The following NUDT3 variants were observed in gnomAD, a reference collection of about 807,000 sequenced individuals.
The protein encoded by NUDT3 is nudix hydrolase 3, also known as diphosphoinositol polyphosphate phosphohydrolase 1.
A neutral mutation model predicts 23.6 loss-of-function variants in NUDT3; 9 were observed. That is an observed-to-expected ratio of 0.38 (90% CI 0.23 to 0.66). The LOEUF (loss-of-function observed/expected upper bound fraction) is 0.66, where lower values mean the gene tolerates loss of function less well. Ranked by LOEUF, NUDT3 falls within the 30% of genes least tolerant of loss-of-function variation. NUDT3 has a pLI of 0.52. For synonymous variants in NUDT3, 86 were observed against 82.6 expected, an observed-to-expected ratio of 1.04 and a Z score of -0.22; for missense variants, 172 against 218.5, an observed-to-expected ratio of 0.79 and a Z score of 1.34.
chr6:34,361,369 A>C (rs918565790), intron 1 of NUDT3, among the ~76,000 whole-genome samples: 2 of 152,230 alleles, frequency 1.3e-5, no homozygotes, highest in South Asian at 2.1e-4. Flanking sequence ...AGAACACTGA[A>C]CACCACCAAA....
rs190663536 is a variant in NUDT3, at chr6:34,389,882, T to C, written c.99+2382A>G. Among the ~76,000 whole-genome samples, 182 of 151,282 alleles carry C rather than the reference T, an allele frequency of 1.2e-3. 1 individual carries two copies. In the East Asian group the frequency reaches 0.013, roughly 11 times the overall value. The stretch of plus-strand genomic sequence containing the variant: ...GGGAGGCTAAGGCAGGAGAATGGCG[T>C]GAATCCGGGAGGCGGAGCTTGCAGT... On this transcript the variant is annotated intron_variant, in intron 1 of 4. Transcript: ENST00000607016.
At chr6:34,392,199 C>G in intron 1 of NUDT3, 65 bp downstream of exon 1, 1 of 1,364,902 alleles carries the variant, frequency 7.3e-7, no homozygotes, top group Non-Finnish European at 9.9e-7. Flanking sequence ...GGCCGCGCCC[C>G]TCGCGCCTCC....
intron 2 of NUDT3, among the ~76,000 whole-genome samples, chr6:34,310,198 A>C (rs1283978331): frequency 6.6e-6 from 1 of 152,110 alleles, no homozygotes; most frequent in Non-Finnish European, 1.5e-5. Context: ...GTACCACTGC[A>C]CGCCAGCCTG....
chr6:34,328,356 T>C lies in NUDT3; in HGVS notation c.210+13506A>G, dbSNP rs561131058. Among the ~76,000 whole-genome samples the C allele has an allele frequency of 8.6e-4, 131 of 152,334 alleles. 1 individual carries two copies. The highest frequency in any genetic ancestry group is 2.7e-3 in the South Asian group (13 of 4,828). On this transcript the variant is annotated intron_variant, in intron 2 of 4. Transcript: ENST00000607016. ...GTATGTATACACATTGGGACTTAAC[T>C]ACCACTAGTGTATTAGTGTAGCCAA...
rs1389220817 is a variant in NUDT3 at position 34,285,371 on chromosome 6, CT to C, written c.*3381del. 1 of 152,192 alleles carries C rather than the reference CT, an allele frequency of 6.6e-6. No homozygotes were observed. The highest frequency in any genetic ancestry group is 1.5e-5 in the Non-Finnish European group (1 of 68,052). 9.4% of individuals were successfully genotyped at this position (152,192 alleles called of 1,614,324 possible). A position where few individuals can be genotyped will look rare whatever the true frequency, so the allele number is the denominator to read the frequency against. ...ATCCTGGTCCAAAAGATCACATGAC[CT>C]TACTAGTGTTTCCCCAATGACTGTA... On this transcript the variant is annotated 3_prime_UTR_variant, in exon 5 of 5. Transcript: ENST00000607016.
At chr6:34,369,891 T>C (rs1488281880) in intron 1 of NUDT3, among the ~76,000 whole-genome samples, 2 of 152,146 alleles carry the variant, frequency 1.3e-5, no homozygotes, top group Admixed American at 1.3e-4. Flanking sequence ...GACTAACACA[T>C]GCCACTGGTG....
rs2113734783 is a variant in NUDT3 at position 34,341,854 on chromosome 6, A to G, written c.210+8T>C. The G allele has an allele frequency of 6.2e-7, 1 of 1,613,364 alleles. No individual in the cohort carries two copies. Among genetic ancestry groups the G allele is most frequent in the South Asian group, 1.1e-5 (1 of 91,004 alleles). ...GGCACAGCTGTGCCCTCTCTTCTCC[A>G]TGCATACCTCCTCACAGACTTCACG... On this transcript the variant is annotated splice_region_variant and intron_variant, in intron 2 of 4. Coordinates refer to ENST00000607016, the MANE Select transcript of NUDT3 (RefSeq NM_006703.4).
intron 1 of NUDT3, among the ~76,000 whole-genome samples, chr6:34,381,051 C>CTT (rs1170402037): frequency 2.6e-5 from 4 of 152,176 alleles, no homozygotes; most frequent in Admixed American, 1.3e-4. Flanking sequence ...GGGTCTTACT[C>CTT]TGTCACCCAG....
chr6:34,390,618 G>T (rs534875721), intron 1 of NUDT3, among the ~76,000 whole-genome samples: 14 of 152,246 alleles, frequency 9.2e-5, no homozygotes, highest in African/African-American at 3.1e-4. Flanking sequence ...TTGGTCTCCT[G>T]AAGTGCTAGG....
chr6:34,289,715 T>C (rs1392975043), intron 4 of NUDT3, among the ~76,000 whole-genome samples: 1 of 152,216 alleles, frequency 6.6e-6, no homozygotes. Flanking sequence ...ATAATCTCAA[T>C]ACAATCACAC....
At chr6:34,299,751 C>A (rs1403679077) in intron 2 of NUDT3, among the ~76,000 whole-genome samples, 1 of 151,466 alleles carries the variant, frequency 6.6e-6, no homozygotes. Flanking sequence ...ACTAAAAACA[C>A]AAAAATTACC....
At chr6:34,329,799 C>T (rs939771696) in intron 2 of NUDT3, among the ~76,000 whole-genome samples, 4 of 152,126 alleles carry the variant, frequency 2.6e-5, no homozygotes, top group African/African-American at 9.7e-5. Flanking sequence ...TATCCCTCCC[C>T]CAACCCCACC....
At chr6:34,389,171 C>A (rs1374780633) in intron 1 of NUDT3, among the ~76,000 whole-genome samples, 4 of 152,190 alleles carry the variant, frequency 2.6e-5, no homozygotes, top group Non-Finnish European at 5.9e-5. Flanking sequence ...AGGGAGGGAA[C>A]CTGTAATCCC....
chr6:34,385,472 C>CTTGTT (rs903708759), intron 1 of NUDT3, among the ~76,000 whole-genome samples: 1 of 152,044 alleles, frequency 6.6e-6, no homozygotes, highest in Non-Finnish European at 1.5e-5. Flanking sequence ...GGGCCAAGAT[C>CTTGTT]TTGTTTTGTT....
chr6:34,359,776 T>C (rs912642217), intron 1 of NUDT3, among the ~76,000 whole-genome samples: 17 of 152,172 alleles, frequency 1.1e-4, no homozygotes, highest in Non-Finnish European at 1.9e-4. Flanking sequence ...TCCCTTTAAG[T>C]ACATACCTAA....
Position 34,392,280 on chromosome 6 carries a change from C to T in NUDT3, c.83G>A (p.Ser28Asn). The T allele has an allele frequency of 5.0e-6, 8 of 1,602,416 alleles. No homozygotes were observed. Among genetic ancestry groups the T allele is most frequent in the Non-Finnish European group, 6.8e-6 (8 of 1,176,886 alleles). The change falls in exon 1 of 5, where the codon AGC (serine) becomes AAC (asparagine). Residue 28 changes from serine to asparagine, a missense_variant. Ser to Asn is a conservative substitution (Grantham distance 46). Around this residue, in one of 3 missense-constraint regions of NUDT3, gnomAD observed 50 missense variants for 46.2 expected, o/e 1.08. Coordinates refer to ENST00000607016, the MANE Select transcript of NUDT3 (RefSeq NM_006703.4). The part of the protein sequence containing the change: ...KKRAACLCFR[S>N]ESEEEVLLVS... ...CCGCCTCACCTCCTCCTCGCTCTCG[C>T]TGCGGAAACACAGGCATGCGGCCCG...
At chr6:34,380,076 C>CTATG (rs1005047160) in intron 1 of NUDT3, among the ~76,000 whole-genome samples, 3 of 151,528 alleles carry the variant, frequency 2.0e-5, no homozygotes, top group African/African-American at 7.3e-5. Flanking sequence ...TAATTTTTAT[C>CTATG]TATTTATTTA....
At chr6:34,296,934 C>T (rs1431610148) in intron 2 of NUDT3, among the ~76,000 whole-genome samples, 3 of 139,612 alleles carry the variant, frequency 2.1e-5, no homozygotes, top group East Asian at 2.0e-4. Context: ...AGTGGTTAGA[C>T]CTTTTTTTTT....
intron 1 of NUDT3, among the ~76,000 whole-genome samples, chr6:34,376,298 G>A (rs1489407223): frequency 6.6e-6 from 1 of 151,866 alleles, no homozygotes; most frequent in Non-Finnish European, 1.5e-5. Context: ...CGAGGCTGGA[G>A]TGCAGTGGCA....
Sources: allele counts gnomAD v4.1 joint callset (sites outside exome capture counted in the v4.1 genomes callset), GRCh38; gene constraint gnomAD v4.1.1; regional missense constraint gnomAD v4.1.1; transcripts MANE v1.5; gene names NCBI Gene and HGNC (gene_info 2026-07-23, HGNC 2026-07-21).